DYNC2H1: variants seen among roughly 807,000 people sequenced by gnomAD.
DYNC2H1 encodes the protein cytoplasmic dynein 2 heavy chain 1.
DYNC2H1 carries 410 observed loss-of-function variants against 570.0 expected under a neutral mutation model. The observed-to-expected ratio is 0.72, with a 90% confidence interval of 0.66 to 0.78. The LOEUF is 0.78. Ranked by LOEUF, DYNC2H1 falls within the 30% of genes least tolerant of loss-of-function variation. DYNC2H1 has a pLI of 0.00. For missense variants in DYNC2H1, 4,865 were observed against 5,046.4 expected (o/e 0.96, Z 1.09); for synonymous variants, 1,688 against 1,677.6 (o/e 1.01, Z -0.15).
chr11:103,217,864 A>C (rs906942804), intron 55 of DYNC2H1, among the ~76,000 whole-genome samples: 1 of 152,206 alleles, frequency 6.6e-6, no homozygotes, highest in Non-Finnish European at 1.5e-5. Context: ...ACTGCAACTC[A>C]ATAATAGCAA....
At chr11:103,285,390 G>T (rs914167246) in intron 73 of DYNC2H1, among the ~76,000 whole-genome samples, 2 of 151,324 alleles carry the variant, frequency 1.3e-5, no homozygotes, top group African/African-American at 2.4e-5. Context: ...AGATAACAAG[G>T]GTGGGAGAGG....
At position 103,192,162 on chromosome 11, in the gene DYNC2H1, C is replaced by T. The variant is rs372115036; in HGVS notation, c.7606C>T (p.Arg2536Cys). The T allele has an allele frequency of 1.3e-5, 20 of 1,574,778 alleles. No homozygotes were observed. The highest frequency in any genetic ancestry group is 2.7e-5 in the African/African-American group (2 of 74,522). ...AGCATATGAGGCACGGCGCTTATTTCGTGACAAAATTGTTGGTGCAAAGGA... is the reference window on the plus strand; with the variant it reads ...AGCATATGAGGCACGGCGCTTATTTTGTGACAAAATTGTTGGTGCAAAGGA... Reference protein sequence around the residue: ...IVAYEARRLFRDKIVGAKELH... With the variant: ...IVAYEARRLFCDKIVGAKELH... The change falls in exon 47 of 89, where the codon CGT (arginine) becomes TGT (cysteine). Residue 2536 changes from arginine to cysteine, a missense_variant. By Grantham distance (180) the Arg-to-Cys change is radical. Coordinates refer to ENST00000375735, the MANE Select transcript of DYNC2H1 (RefSeq NM_001377.3).
intron 20 of DYNC2H1, among the ~76,000 whole-genome samples, chr11:103,149,103 A>G (rs986386857): frequency 6.6e-6 from 1 of 152,168 alleles, no homozygotes; most frequent in Admixed American, 6.5e-5. Context: ...CTTTCGATGC[A>G]CTATTGGTGT....
In DYNC2H1 at chr11:103,120,601, A is replaced by G. The variant is rs771181201; in HGVS notation, c.1134+20A>G. ...ACTGAGGTTGTATATATATTTGTTT[A>G]TGTCTGTACAGTTTCCTGTTTATGT... is the stretch of plus-strand genomic sequence containing the variant. On this transcript the variant is annotated intron_variant, in intron 7 of 88. Coordinates refer to ENST00000375735, the MANE Select transcript of DYNC2H1 (RefSeq NM_001377.3). 8.1e-6 allele frequency: 13 copies of G among 1,601,576 alleles called. No homozygotes were observed. The East Asian group carries it at 2.0e-4, about 25-fold the overall frequency.
At position 103,479,082 on chromosome 11, in the gene DYNC2H1, A is replaced by G; in HGVS notation, c.12766-13A>G. ...GTATTGCTTTATTTTAAAACAAGTT[A>G]TTTTTTAAACAGGATGCATGTGGTC... On this transcript the variant is annotated splice_polypyrimidine_tract_variant and intron_variant, in intron 88 of 88. Coordinates refer to ENST00000375735, the MANE Select transcript of DYNC2H1 (RefSeq NM_001377.3). The G allele has an allele frequency of 1.2e-6, 2 of 1,612,920 alleles. No homozygotes were observed. Among genetic ancestry groups the G allele is most frequent in the Non-Finnish European group, 1.7e-6 (2 of 1,179,310 alleles).
chr11:103,272,324 C>CA (rs765025565), intron 70 of DYNC2H1, among the ~76,000 whole-genome samples: 63 of 151,208 alleles, frequency 4.2e-4, no homozygotes, highest in East Asian at 3.9e-4. Context: ...ATCGCAGGGA[C>CA]AAAAAACCAA....
chr11:103,300,361 G>A (rs1000827164), intron 75 of DYNC2H1, among the ~76,000 whole-genome samples: 1 of 151,944 alleles, frequency 6.6e-6, no homozygotes, highest in Non-Finnish European at 1.5e-5. Flanking sequence ...TTTCCAAATA[G>A]TTTTACATGA....
intron 82 of DYNC2H1, among the ~76,000 whole-genome samples, chr11:103,354,322 TTC>T (rs1373948375): frequency 6.6e-6 from 1 of 152,122 alleles, no homozygotes; most frequent in Non-Finnish European, 1.5e-5. Context: ...CTGGGTTTTT[TTC>T]TGTTTTGGAA....
intron 28 of DYNC2H1, among the ~76,000 whole-genome samples, chr11:103,160,626 A>G (rs1007662447): frequency 1.3e-5 from 2 of 152,078 alleles, no homozygotes; most frequent in African/African-American, 4.8e-5. Context: ...GTAGGAATGA[A>G]TAAACAAACA....
In DYNC2H1 at chr11:103,156,317, T is replaced by C. The variant is rs938465668; in HGVS notation, c.3745-71T>C. On this transcript the variant is annotated intron_variant, in intron 25 of 88. Coordinates refer to ENST00000375735, the MANE Select transcript of DYNC2H1 (RefSeq NM_001377.3). ...CAGATAAAATATATTTTTCATAAAA[T>C]ACTTTTCTATTAATTACTTATGTGA... is the stretch of plus-strand genomic sequence containing the variant. 13 of 1,386,264 alleles carry C rather than the reference T, an allele frequency of 9.4e-6. No homozygotes were observed. In the African/African-American group the frequency reaches 1.2e-4, roughly 13 times the overall value. 85.9% of individuals were successfully genotyped at this position (1,386,264 alleles called of 1,614,324 possible). A position where few individuals can be genotyped will look rare whatever the true frequency, so the allele number is the denominator to read the frequency against.
chr11:103,132,890 G>C (rs1859349677), intron 13 of DYNC2H1, among the ~76,000 whole-genome samples: 1 of 152,018 alleles, frequency 6.6e-6, no homozygotes, highest in Non-Finnish European at 1.5e-5. Flanking sequence ...TGTTAGGGAG[G>C]AGGAGTAGAG....
intron 34 of DYNC2H1, 118 bp downstream of exon 34, chr11:103,171,186 C>A: frequency 2.1e-6 from 2 of 956,848 alleles, no homozygotes; most frequent in Non-Finnish European, 1.4e-6. Flanking sequence ...AATCTGTAAC[C>A]TGTGTTGTAA....
In DYNC2H1 at chr11:103,319,385, A is replaced by G. The variant is rs1380133067; in HGVS notation, c.11726-1644A>G. Among the ~76,000 whole-genome samples, 3 of 152,176 alleles carry G rather than the reference A, an allele frequency of 2.0e-5. No homozygotes were observed. Among genetic ancestry groups the G allele is most frequent in the African/African-American group, 7.2e-5 (3 of 41,478 alleles). Reference sequence around the variant, plus strand: ...ACTCTTGGGAACAATTGGTATTGAGAGTAATAGCCATGCGACCTAGAGCAA... The same window carrying G: ...ACTCTTGGGAACAATTGGTATTGAGGGTAATAGCCATGCGACCTAGAGCAA... On this transcript the variant is annotated intron_variant, in intron 80 of 88. Transcript: ENST00000375735. This position sits in a 1 kb window ranked among gnomAD's most constrained non-coding sequence, Gnocchi z 4.3.
Position 103,441,994 on chromosome 11 carries a change from T to G in DYNC2H1, c.12456+5962T>G, listed in dbSNP as rs183552514. 2.5e-4 allele frequency among the ~76,000 whole-genome samples: 38 copies of G among 152,234 alleles called. No homozygotes were observed. In the East Asian group the frequency reaches 7.1e-3, roughly 29 times the overall value. On this transcript the variant is annotated intron_variant, in intron 85 of 88. Transcript: ENST00000375735. ...ACGGTGTTTCACACACAGCAAGTAC[T>G]CAGTAAAATTATTCATAGAAGACTT...
Position 103,472,200 on chromosome 11 carries a change from A to G in DYNC2H1, c.12765+3495A>G, listed in dbSNP as rs1945409928. ...GCTGAGTAGCCATGCCAGAGTTTAGACCACCTTATGATCAGTAGGAAGCCA... is the reference window on the plus strand; with the variant it reads ...GCTGAGTAGCCATGCCAGAGTTTAGGCCACCTTATGATCAGTAGGAAGCCA... On this transcript the variant is annotated intron_variant, in intron 88 of 88. Transcript: ENST00000375735. This position sits in a 1 kb window ranked among gnomAD's most constrained non-coding sequence, Gnocchi z 4.1. 6.6e-6 allele frequency among the ~76,000 whole-genome samples: 1 copy of G among 151,998 alleles called. No individual in the cohort carries two copies. The highest frequency in any genetic ancestry group is 2.4e-5 in the African/African-American group (1 of 41,392).
Position 103,236,441 on chromosome 11 carries a change from A to G in DYNC2H1, c.9721A>G (p.Arg3241Gly), listed in dbSNP as rs1442848553. ...CTTCAACTTTTCAGAATTTGATCTG[A>G]GGAGATTTCTTTGTACTGAAAGTGA... ...KSAGLEKFDL[R>G]RFLCTESEQL... Residue 3241 changes from arginine (R) to glycine (G), a missense_variant, in exon 63 of 89, where the codon AGG becomes GGG. By Grantham distance (125) the Arg-to-Gly change is moderately radical. Transcript: ENST00000375735. The G allele has an allele frequency of 3.8e-6, 6 of 1,596,314 alleles. No homozygotes were observed. The highest frequency in any genetic ancestry group is 5.2e-6 in the Non-Finnish European group (6 of 1,164,858).
At chr11:103,231,177 T>G in intron 59 of DYNC2H1, 83 bp from the exon 60 acceptor site, 1 of 739,892 alleles carries the variant, frequency 1.4e-6, no homozygotes, top group Non-Finnish European at 2.2e-6. Context: ...AATTGTCATA[T>G]GATTACATTT....
Position 103,158,956 on chromosome 11 carries a change from A to C in DYNC2H1, c.4307A>C (p.Asp1436Ala), listed in dbSNP as rs1014987027. The C allele has an allele frequency of 6.2e-7, 1 of 1,613,270 alleles. No homozygotes were observed. The change falls in exon 28 of 89, where the codon GAC (aspartate) becomes GCC (alanine). Residue 1436 changes from aspartate to alanine, a missense_variant. Physicochemically the swap from Asp to Ala is moderately radical, Grantham distance 126 (BLOSUM62 -2). Transcript: ENST00000375735. ...FPRFYFIGDD[D>A]LLEILGQSTN... ...AGATTTTATTTTATTGGTGATGATG[A>C]CTTATTAGAAATATTGGGCCAGTCT...
intron 79 of DYNC2H1, among the ~76,000 whole-genome samples, chr11:103,314,013 G>A (rs948661670): frequency 6.6e-6 from 1 of 151,972 alleles, no homozygotes; most frequent in Non-Finnish European, 1.5e-5. Flanking sequence ...AAGGATAGAT[G>A]AACAACACTG....
Sources: gnomAD v4.1 joint callset for allele counts (sites outside exome capture counted in the v4.1 genomes callset) on GRCh38, gnomAD v4.1.1 for gene constraint, Gnocchi (gnomAD v3.1) non-coding constraint, MANE v1.5 for transcripts, NCBI Gene and HGNC (gene_info 2026-07-23, HGNC 2026-07-21) for gene names.